The following STAU2 variants were observed in gnomAD, a reference collection of about 807,000 sequenced individuals.
STAU2 encodes the protein staufen double-stranded RNA binding protein 2.
Under a neutral mutation model 65.9 loss-of-function variants are expected in STAU2, and 20 were observed. The ratio of observed to expected loss-of-function variants is 0.30; its 90% CI spans 0.21 to 0.44. The LOEUF is 0.44. STAU2 is among the 20% of genes least tolerant of loss of function. STAU2 has a pLI of 1.00. For missense variants in STAU2, 558 were observed against 683.9 expected (o/e 0.82, Z 2.05); for synonymous variants, 232 against 233.9 (o/e 0.99, Z 0.07).
At chr8:73,450,932 C>A (rs1818769057) in intron 13 of STAU2, among the ~76,000 whole-genome samples, 1 of 152,132 alleles carries the variant, frequency 6.6e-6, no homozygotes, top group Admixed American at 6.6e-5. Context: ...TACCAGCCAC[C>A]CTCCTGCTCT....
chr8:73,640,350 G>A (rs1038020584), intron 6 of STAU2, among the ~76,000 whole-genome samples: 1 of 151,896 alleles, frequency 6.6e-6, no homozygotes, highest in Non-Finnish European at 1.5e-5. Context: ...TTAAAGAATT[G>A]GTTATATATA....
chr8:73,624,491 T>G (rs1241043903), intron 6 of STAU2, among the ~76,000 whole-genome samples: 1 of 152,142 alleles, frequency 6.6e-6, no homozygotes, highest in Admixed American at 6.5e-5. Context: ...TACAAAGCAC[T>G]TACTATGTGC....
intron 7 of STAU2, among the ~76,000 whole-genome samples, chr8:73,617,071 T>C (rs2129878811): frequency 6.6e-6 from 1 of 152,116 alleles, no homozygotes; most frequent in African/African-American, 2.4e-5. Context: ...CATCCTCATA[T>C]ACATCCCCAA....
chr8:73,608,302 A>C (rs1404841965), intron 9 of STAU2, among the ~76,000 whole-genome samples: 2 of 152,082 alleles, frequency 1.3e-5, no homozygotes, highest in African/African-American at 4.8e-5. Context: ...AAAAGGAACC[A>C]ACTTAAAAAA....
At chr8:73,705,860 C>A (rs1820470125) in intron 4 of STAU2, among the ~76,000 whole-genome samples, 2 of 152,230 alleles carry the variant, frequency 1.3e-5, no homozygotes, top group South Asian at 4.1e-4. Flanking sequence ...AATTCCATAC[C>A]ATACTGAAGA....
chr8:73,741,957 A>G (rs957667172), intron 1 of STAU2, among the ~76,000 whole-genome samples: 1 of 152,266 alleles, frequency 6.6e-6, no homozygotes, highest in African/African-American at 2.4e-5. Flanking sequence ...ATTAAAACAC[A>G]TGAAACTAAT....
intron 12 of STAU2, among the ~76,000 whole-genome samples, chr8:73,574,330 T>C (rs1809346489): frequency 2.6e-5 from 4 of 152,172 alleles, no homozygotes; most frequent in Admixed American, 2.6e-4. Context: ...AGTTCAACCA[T>C]TGTGCAAGAC....
intron 13 of STAU2, chr8:73,527,951 A>C: frequency 2.0e-6 from 1 of 490,172 alleles, no homozygotes; most frequent in Non-Finnish European, 3.7e-6. Context: ...TGGGACTTGA[A>C]TTGAATCTAT....
chr8:73,554,622 G>A (rs1390350397), intron 12 of STAU2, among the ~76,000 whole-genome samples: 2 of 152,216 alleles, frequency 1.3e-5, no homozygotes, highest in East Asian at 1.9e-4. Context: ...ATGCTCACCC[G>A]GCATACAGGA....
intron 6 of STAU2, among the ~76,000 whole-genome samples, chr8:73,668,794 G>A (rs1223067611): frequency 6.6e-6 from 1 of 152,010 alleles, no homozygotes; most frequent in Non-Finnish European, 1.5e-5. Flanking sequence ...ATGGATAAAT[G>A]TTTTTTTCTC....
intron 13 of STAU2, among the ~76,000 whole-genome samples, chr8:73,532,507 G>GGA (rs796279085): frequency 7.2e-5 from 11 of 152,074 alleles, no homozygotes; most frequent in African/African-American, 2.7e-4. Context: ...GGGCAACACA[G>GGA]GAGACCCCAT....
chr8:73,532,321 C>G (rs1012496622), intron 13 of STAU2, among the ~76,000 whole-genome samples: 1 of 152,080 alleles, frequency 6.6e-6, no homozygotes, highest in Non-Finnish European at 1.5e-5. Context: ...GTACCTTGTG[C>G]GGGGAACGTG....
chr8:73,695,114 G>A (rs963353884), intron 4 of STAU2, among the ~76,000 whole-genome samples: 9 of 152,120 alleles, frequency 5.9e-5, no homozygotes, highest in African/African-American at 1.9e-4. Flanking sequence ...CGCAACCTAG[G>A]GAGACACCAG....
chr8:73,569,582 T>C (rs1359344679), intron 12 of STAU2, among the ~76,000 whole-genome samples: 1 of 151,222 alleles, frequency 6.6e-6, no homozygotes, highest in East Asian at 2.0e-4. Flanking sequence ...TGACACCTCA[T>C]ACAGCTGGGT....
chr8:73,453,654 C>T (rs1179394777), intron 13 of STAU2, among the ~76,000 whole-genome samples: 1 of 152,118 alleles, frequency 6.6e-6, no homozygotes, highest in African/African-American at 2.4e-5. Flanking sequence ...AAATAGATAC[C>T]TCTTTTTAGA....
intron 13 of STAU2, among the ~76,000 whole-genome samples, chr8:73,435,685 C>T (rs1484166138): frequency 6.6e-6 from 1 of 151,996 alleles, no homozygotes; most frequent in African/African-American, 2.4e-5. Context: ...ATAATAGTTA[C>T]TGTCTTTTTG....
chr8:73,701,679 T>C (rs1356326617), intron 4 of STAU2, among the ~76,000 whole-genome samples: 2 of 152,114 alleles, frequency 1.3e-5, no homozygotes, highest in African/African-American at 4.8e-5. Flanking sequence ...TGGAGGTTCC[T>C]CAAAAAACTA....
chr8:73,706,037 C>A (rs1385306750), intron 4 of STAU2, among the ~76,000 whole-genome samples: 1 of 152,114 alleles, frequency 6.6e-6, no homozygotes, highest in East Asian at 1.9e-4. Context: ...CAATTAACAG[C>A]CAAAGTTGAG....
At chr8:73,603,699 T>C (rs1443446348) in intron 10 of STAU2, 27 bp downstream of exon 10, 1 of 1,601,862 alleles carries the variant, frequency 6.2e-7, no homozygotes, top group Admixed American at 1.7e-5. Flanking sequence ...CTAAATCTTT[T>C]CAATAGTTTT....
Sources: gnomAD v4.1 joint callset for allele counts (sites outside exome capture counted in the v4.1 genomes callset) on GRCh38, gnomAD v4.1.1 for gene constraint, MANE v1.5 for transcripts, NCBI Gene and HGNC (gene_info 2026-07-23, HGNC 2026-07-21) for gene names.